Variants in KCND2 observed in about 807,000 individuals in gnomAD.
KCND2 encodes potassium voltage-gated channel subfamily D member 2, also known as A-type voltage-gated potassium channel KCND2.
KCND2 carries 16 observed loss-of-function variants against 54.4 expected under a neutral mutation model. The ratio of observed to expected loss-of-function variants is 0.29; its 90% confidence interval spans 0.20 to 0.45. The LOEUF (loss-of-function observed/expected upper bound fraction) is 0.45, where lower values mean the gene tolerates loss of function less well. Ranked by LOEUF, KCND2 falls within the 20% of genes least tolerant of loss-of-function variation. The pLI is 1.00. For missense variants in KCND2, 486 were observed against 824.2 expected, an observed-to-expected ratio of 0.59 and a Z score of 5.02; for synonymous variants, 317 against 310.7, an observed-to-expected ratio of 1.02 and a Z score of -0.21.
chr7:120,288,010 G>T (rs1245723741), intron 1 of KCND2, among the ~76,000 whole-genome samples: 1 of 152,112 alleles, frequency 6.6e-6, no homozygotes, highest in Non-Finnish European at 1.5e-5. Flanking sequence ...TAAGGTTTCA[G>T]AGATAACAAT....
At chr7:120,631,902 C>G (rs1017146668) in intron 1 of KCND2, among the ~76,000 whole-genome samples, 2 of 151,830 alleles carry the variant, frequency 1.3e-5, no homozygotes, top group African/African-American at 2.4e-5. Context: ...TGATAGATAC[C>G]CTATGTGGTA....
intron 1 of KCND2, among the ~76,000 whole-genome samples, chr7:120,569,649 TTA>T (rs1314930769): frequency 1.3e-5 from 2 of 152,118 alleles, no homozygotes; most frequent in Admixed American, 6.6e-5. Flanking sequence ...AAAACTTTCT[TTA>T]TGTTTTCCAA....
intron 1 of KCND2, among the ~76,000 whole-genome samples, chr7:120,311,018 TATGTATATAC>T (rs972445898): frequency 5.9e-5 from 9 of 152,136 alleles, no homozygotes; most frequent in African/African-American, 2.2e-4. Context: ...TACATGTATG[TATGTATATAC>T]ATGTATATGT....
intron 1 of KCND2, among the ~76,000 whole-genome samples, chr7:120,345,673 G>T (rs1469857440): frequency 1.3e-5 from 2 of 152,066 alleles, no homozygotes; most frequent in Non-Finnish European, 2.9e-5. Context: ...TATTCTTGTT[G>T]TAGCATGTGT....
At chr7:120,290,173 T>C (rs1192103361) in intron 1 of KCND2, among the ~76,000 whole-genome samples, 1 of 152,012 alleles carries the variant, frequency 6.6e-6, no homozygotes, top group African/African-American at 2.4e-5. Context: ...ATAAAGATTT[T>C]TTTTATTTTT....
intron 1 of KCND2, among the ~76,000 whole-genome samples, chr7:120,709,739 C>T (rs1041607422): frequency 6.6e-6 from 1 of 152,132 alleles, no homozygotes; most frequent in Admixed American, 6.6e-5. Context: ...CTTTTCAGGG[C>T]TGTCAGCTCC....
At chr7:120,532,954 T>G (rs1399782282) in intron 1 of KCND2, among the ~76,000 whole-genome samples, 1 of 152,106 alleles carries the variant, frequency 6.6e-6, no homozygotes, top group Non-Finnish European at 1.5e-5. Flanking sequence ...CCTGAAAGGA[T>G]ATAAAGTAAA....
At chr7:120,433,198 A>G (rs1801819239) in intron 1 of KCND2, among the ~76,000 whole-genome samples, 1 of 152,178 alleles carries the variant, frequency 6.6e-6, no homozygotes. Context: ...GCAGGGGTGA[A>G]GAACCCTGTT....
chr7:120,564,751 A>T (rs906127808), intron 1 of KCND2, among the ~76,000 whole-genome samples: 2 of 152,204 alleles, frequency 1.3e-5, no homozygotes, highest in Non-Finnish European at 2.9e-5. Context: ...ATAATTATAT[A>T]GAGTTTATAA....
At chr7:120,726,936 A>T (rs577016948) in intron 1 of KCND2, among the ~76,000 whole-genome samples, 73 of 152,340 alleles carry the variant, frequency 4.8e-4, no homozygotes, top group Non-Finnish European at 8.5e-4. Flanking sequence ...GGTTTATTTT[A>T]AAATCAGAAT....
At chr7:120,286,567 G>C (rs926784440) in intron 1 of KCND2, among the ~76,000 whole-genome samples, 3 of 151,916 alleles carry the variant, frequency 2.0e-5, no homozygotes, top group Non-Finnish European at 2.9e-5. Context: ...CCTTGCATTA[G>C]AGTAAGTCTC....
chr7:120,442,257 C>A (rs1331144214), intron 1 of KCND2, among the ~76,000 whole-genome samples: 2 of 152,008 alleles, frequency 1.3e-5, no homozygotes, highest in African/African-American at 4.8e-5. Context: ...TGAGTCTAAT[C>A]CAGCCAGAAC....
chr7:120,459,044 C>T (rs768441768), intron 1 of KCND2, among the ~76,000 whole-genome samples: 22 of 152,010 alleles, frequency 1.4e-4, no homozygotes, highest in Non-Finnish European at 3.1e-4. Context: ...AGAGTTTACT[C>T]AAAATGAAGC....
chr7:120,346,178 A>T (rs1800313177), intron 1 of KCND2, among the ~76,000 whole-genome samples: 1 of 151,908 alleles, frequency 6.6e-6, no homozygotes, highest in Admixed American at 6.6e-5. Flanking sequence ...GCCATTTTTT[A>T]ATTGTGTTAT....
At chr7:120,565,824 A>T (rs912724584) in intron 1 of KCND2, among the ~76,000 whole-genome samples, 1 of 152,234 alleles carries the variant, frequency 6.6e-6, no homozygotes, top group Admixed American at 6.5e-5. Context: ...GGGAAATACA[A>T]GTATGAATCA....
At chr7:120,366,804 C>T (rs1016723850) in intron 1 of KCND2, among the ~76,000 whole-genome samples, 4 of 152,002 alleles carry the variant, frequency 2.6e-5, no homozygotes, top group African/African-American at 9.7e-5. Flanking sequence ...TTCTAAAATC[C>T]GAATCTCTGT....
At chr7:120,622,231 A>C (rs1793108104) in intron 1 of KCND2, among the ~76,000 whole-genome samples, 1 of 152,192 alleles carries the variant, frequency 6.6e-6, no homozygotes, top group Non-Finnish European at 1.5e-5. Flanking sequence ...GTTTGTTTTA[A>C]AAGAACTCAA....
At chr7:120,736,627 ATTATAG>A (rs889643413) in intron 2 of KCND2, among the ~76,000 whole-genome samples, 7 of 151,996 alleles carry the variant, frequency 4.6e-5, no homozygotes, top group African/African-American at 1.7e-4. Context: ...CATAGTAGTA[ATTATAG>A]TTATAATTTA....
rs1211451508 is a variant in KCND2, at chr7:120,316,840, A to AT, written c.1115+41107dup. ...GATTGTGACATCCTAATTGCAGATA[A>AT]TTTTTTTTTTTTTTGGGACGAGGTC... is the stretch of plus-strand genomic sequence containing the variant. On this transcript the variant is annotated intron_variant, in intron 1 of 5. Coordinates refer to ENST00000331113, the MANE Select transcript of KCND2 (RefSeq NM_012281.3). Among the ~76,000 whole-genome samples the AT allele has an allele frequency of 4.1e-3, 610 of 148,096 alleles. 4 individuals carry two copies. Among genetic ancestry groups the AT allele is most frequent in the African/African-American group, 0.014 (560 of 40,292 alleles).
Sources: gnomAD v4.1 joint callset for allele counts (sites outside exome capture counted in the v4.1 genomes callset) on GRCh38, gnomAD v4.1.1 for gene constraint, MANE v1.5 for transcripts, NCBI Gene and HGNC (gene_info 2026-07-23, HGNC 2026-07-21) for gene names.